NTNG2: variants seen among roughly 807,000 people sequenced by gnomAD.
NTNG2 encodes the protein netrin G2, also known as netrin-G2.
A neutral mutation model predicts 47.6 loss-of-function variants in NTNG2; 15 were observed. The observed-to-expected ratio is 0.32, with a 90% CI of 0.21 to 0.49. The LOEUF is 0.49. NTNG2 is among the 20% of genes least tolerant of loss of function. The pLI, the probability that NTNG2 is intolerant of heterozygous loss-of-function variation, is 0.99. For missense variants in NTNG2, 578 were observed against 764.6 expected (o/e 0.76, Z 2.88); for synonymous variants, 307 against 324.6 (o/e 0.95, Z 0.58).
Position 132,240,926 on chromosome 9 carries a change from G to A in NTNG2, c.1239G>A (p.Gln413=). The change falls in exon 7 of 8, where the codon CAG becomes CAA. Residue 413 remains glutamine (Q), a synonymous_variant. Coordinates refer to ENST00000393229, the MANE Select transcript of NTNG2 (RefSeq NM_032536.4). The stretch of plus-strand genomic sequence containing the variant: ...TCCGTCCAGAGTGTAACTGCAACCA[G>A]ATAGGCTCCGTGCACGACCGGTGCA... ...ENVCIECNCN[Q]IGSVHDRCNE... 2 of 1,612,846 alleles carry A rather than the reference G, an allele frequency of 1.2e-6. No individual in the cohort carries two copies. Among genetic ancestry groups the A allele is most frequent in the Non-Finnish European group, 1.7e-6 (2 of 1,179,844 alleles).
rs567759158 is a variant in NTNG2 at position 132,163,633 on chromosome 9, C to T, written c.-484+1394C>T. Among the ~76,000 whole-genome samples the T allele has an allele frequency of 2.2e-4, 34 of 152,194 alleles. 1 individual carries two copies. The South Asian group carries it at 3.3e-3, about 15-fold the overall frequency. On this transcript the variant is annotated intron_variant, in intron 1 of 7. Transcript: ENST00000393229. This position sits in a 1 kb window ranked among gnomAD's most constrained non-coding sequence, Gnocchi z 7.2. ...AACCCCGGGGTGGGCTGAGTATCCC[C>T]CCTAGCCCCGGGAGCCCCCAGCGCC...
intron 3 of NTNG2, among the ~76,000 whole-genome samples, chr9:132,220,707 G>A (rs542722679): frequency 2.6e-5 from 4 of 152,066 alleles, no homozygotes; most frequent in East Asian, 1.9e-4. Context: ...CTCAGCCTCC[G>A]AAAGTGCTCA....
intron 3 of NTNG2, among the ~76,000 whole-genome samples, chr9:132,209,324 C>T (rs1839408541): frequency 6.6e-6 from 1 of 152,186 alleles, no homozygotes; most frequent in African/African-American, 2.4e-5. Flanking sequence ...TGGTTGTGAG[C>T]GTTTTGGAGG....
At chr9:132,211,894 G>T (rs755561803) in intron 3 of NTNG2, among the ~76,000 whole-genome samples, 6 of 152,216 alleles carry the variant, frequency 3.9e-5, no homozygotes, top group South Asian at 2.1e-4. Context: ...AACCAGGTAG[G>T]CGTGCTGTAT....
chr9:132,216,648 A>G (rs1203442590), intron 3 of NTNG2, among the ~76,000 whole-genome samples: 1 of 152,024 alleles, frequency 6.6e-6, no homozygotes, highest in East Asian at 1.9e-4. Context: ...GATGAGCTGA[A>G]AAGTGCTGTG....
rs562904534 is a variant in NTNG2, at chr9:132,182,442, G to C, written c.213+15398G>C. On this transcript the variant is annotated intron_variant, in intron 2 of 7. Transcript: ENST00000393229. This position sits in a 1 kb window ranked among gnomAD's most constrained non-coding sequence, Gnocchi z 4.2. Reference sequence around the variant, plus strand: ...TTGGCCGCCTCTCAGCCTAGAGGAGGGGCACTGGAAGGAGGAGGCCCAAGT... The same window carrying C: ...TTGGCCGCCTCTCAGCCTAGAGGAGCGGCACTGGAAGGAGGAGGCCCAAGT... Among the ~76,000 whole-genome samples the C allele has an allele frequency of 2.0e-5, 3 of 152,160 alleles. No individual in the cohort carries two copies. Among genetic ancestry groups the C allele is most frequent in the African/African-American group, 7.2e-5 (3 of 41,430 alleles).
intron 2 of NTNG2, among the ~76,000 whole-genome samples, chr9:132,194,350 G>C (rs1838120300): frequency 6.6e-6 from 1 of 152,194 alleles, no homozygotes; most frequent in Non-Finnish European, 1.5e-5. Flanking sequence ...CTCCCTCACG[G>C]GTCAAGCCTG....
chr9:132,175,591 G>A (rs1024329633), intron 2 of NTNG2, among the ~76,000 whole-genome samples: 4 of 152,234 alleles, frequency 2.6e-5, no homozygotes, highest in Admixed American at 6.5e-5. Context: ...CGGTCTGTTC[G>A]GCTTTGGTTT....
At chr9:132,206,127 A>G (rs7865565) in intron 3 of NTNG2, among the ~76,000 whole-genome samples, 21,496 of 152,106 alleles carry the variant, frequency 0.14, 4,253 homozygotes, top group African/African-American at 0.44. Flanking sequence ...TCAGGGATAC[A>G]GAGAAAGAAC....
chr9:132,206,621 C>G (rs898550104), intron 3 of NTNG2, among the ~76,000 whole-genome samples: 1 of 152,216 alleles, frequency 6.6e-6, no homozygotes, highest in African/African-American at 2.4e-5. Flanking sequence ...GAGCCGAGAT[C>G]GTGCCATTGC....
intron 3 of NTNG2, among the ~76,000 whole-genome samples, chr9:132,216,428 A>ATG (rs10578395): frequency 8.0e-4 from 70 of 87,676 alleles, no homozygotes; most frequent in South Asian, 1.4e-3. Flanking sequence ...GTGTGTGTGT[A>ATG]TGTGTGTGTG....
chr9:132,187,918 C>G (rs564715251), intron 2 of NTNG2, among the ~76,000 whole-genome samples: 1 of 152,196 alleles, frequency 6.6e-6, no homozygotes, highest in African/African-American at 2.4e-5. Context: ...CACTCCTGCC[C>G]GGTCATTTTG....
intron 2 of NTNG2, among the ~76,000 whole-genome samples, chr9:132,174,010 AGACGGACGGATG>A (rs1836170886): frequency 7.4e-6 from 1 of 135,722 alleles, no homozygotes; most frequent in African/African-American, 2.9e-5. Flanking sequence ...GCTACGGATG[AGACGGACGGATG>A]GACGGACAGG....
rs1241840679 is a variant in NTNG2 at position 132,197,117 on chromosome 9, C to T, written c.214-849C>T. Among the ~76,000 whole-genome samples, 1 of 152,184 alleles carries T rather than the reference C, an allele frequency of 6.6e-6. No homozygotes were observed. The highest frequency in any genetic ancestry group is 1.5e-5 in the Non-Finnish European group (1 of 68,032). ...GGTAAAAAGGCTCAGGGGCCGGGCG[C>T]AGTGGCTCACGTCTGCAATCCCAGC... On this transcript the variant is annotated intron_variant, in intron 2 of 7. Transcript: ENST00000393229. This position sits in a 1 kb window ranked among gnomAD's most constrained non-coding sequence, Gnocchi z 4.3.
intron 5 of NTNG2, 139 bp downstream of exon 5, chr9:132,230,734 C>T (rs1841143460): frequency 2.0e-5 from 16 of 805,282 alleles, no homozygotes; most frequent in Non-Finnish European, 3.3e-5. Context: ...CCTCTAATTA[C>T]ACCCCATCTG....
chr9:132,219,640 G>A (rs977138794), intron 3 of NTNG2, among the ~76,000 whole-genome samples: 7 of 151,640 alleles, frequency 4.6e-5, no homozygotes, highest in South Asian at 2.1e-4. Flanking sequence ...ATCACTGACC[G>A]CTTTCACTTG....
At chr9:132,173,415 G>A (rs1323950746) in intron 2 of NTNG2, among the ~76,000 whole-genome samples, 1 of 152,210 alleles carries the variant, frequency 6.6e-6, no homozygotes, top group African/African-American at 2.4e-5. Context: ...GACACCCCGT[G>A]GAAGGCAGGC....
At chr9:132,185,208 GCTGATGCTTC>G (rs1245205854) in intron 2 of NTNG2, among the ~76,000 whole-genome samples, 6 of 152,228 alleles carry the variant, frequency 3.9e-5, no homozygotes, top group Non-Finnish European at 7.3e-5. Context: ...ACCTCTTTCA[GCTGATGCTTC>G]CCCCGACCCC....
At chr9:132,205,692 C>A (rs1185595268) in intron 3 of NTNG2, among the ~76,000 whole-genome samples, 1 of 152,000 alleles carries the variant, frequency 6.6e-6, no homozygotes, top group Non-Finnish European at 1.5e-5. Context: ...ACCAGCCTGG[C>A]CAACATGGCA....
Sources: gnomAD v4.1 joint callset for allele counts (sites outside exome capture counted in the v4.1 genomes callset) on GRCh38, gnomAD v4.1.1 for gene constraint, Gnocchi (gnomAD v3.1) non-coding constraint, MANE v1.5 for transcripts, NCBI Gene and HGNC (gene_info 2026-07-23, HGNC 2026-07-21) for gene names.